Variants in DPY19L2 observed in about 807,000 individuals in gnomAD.
The protein encoded by DPY19L2 is dpy-19 like 2.
A neutral mutation model predicts 97.9 loss-of-function variants in DPY19L2; 34 were observed. The ratio of observed to expected loss-of-function variants is 0.35; its 90% CI spans 0.26 to 0.46. The LOEUF (loss-of-function observed/expected upper bound fraction) is 0.46. Ranked by LOEUF, DPY19L2 falls within the 20% of genes least tolerant of loss-of-function variation. The probability of loss-of-function intolerance (pLI) is 1.00; values close to 1 mark genes in which losing one functional copy is unlikely to be tolerated. For synonymous variants in DPY19L2, 230 were observed against 307.9 expected (o/e 0.75, Z 2.65); for missense variants, 623 against 911.4 (o/e 0.68, Z 4.07).
intron 4 of DPY19L2, among the ~76,000 whole-genome samples, chr12:63,649,825 G>A (rs1379827356): frequency 6.6e-6 from 1 of 152,014 alleles, no homozygotes; most frequent in Admixed American, 6.6e-5. Context: ...ATTCTATAAG[G>A]CTAACATCAT....
In DPY19L2 at chr12:63,600,189, A is replaced by T. The variant is rs547561928; in HGVS notation, c.1359+117T>A. ...GACTCTGCCAATAACTCGTCTAGAG[A>T]CCTTAGAGAAGGCACTTAACCTCTG... is the stretch of plus-strand genomic sequence containing the variant. On this transcript the variant is annotated intron_variant, in intron 13 of 21. Coordinates refer to ENST00000324472, the MANE Select transcript of DPY19L2 (RefSeq NM_173812.5). 418 of 764,576 alleles carry T rather than the reference A, an allele frequency of 5.5e-4. 1 individual carries two copies. The highest frequency in any genetic ancestry group is 8.5e-4 in the Non-Finnish European group (393 of 461,246). 47.4% of individuals were successfully genotyped at this position (764,576 alleles called of 1,614,324 possible). A position where few individuals can be genotyped will look rare whatever the true frequency, so the allele number is the denominator to read the frequency against.
intron 4 of DPY19L2, among the ~76,000 whole-genome samples, chr12:63,653,629 T>C (rs2138223036): frequency 1.3e-5 from 2 of 151,824 alleles, no homozygotes; most frequent in East Asian, 3.9e-4. Context: ...TGGCAAAAGT[T>C]ATAAACCTAA....
intron 4 of DPY19L2, among the ~76,000 whole-genome samples, chr12:63,657,898 T>C (rs1369497975): frequency 6.6e-6 from 1 of 152,200 alleles, no homozygotes; most frequent in East Asian, 1.9e-4. Flanking sequence ...CAAAAGCATC[T>C]ATCTCAGTCA....
chr12:63,621,274 A>G lies in DPY19L2; in HGVS notation c.1017T>C (p.Leu339=). ...ALCLSNVAFM[L]PWQFAQFILF... ...GTATAAACTGAGCAAATTGCCAGGGAAGCATAAAAGCAACATTGGAAAGAC... is the reference window on the plus strand; with the variant it reads ...GTATAAACTGAGCAAATTGCCAGGGGAGCATAAAAGCAACATTGGAAAGAC... The change falls in exon 9 of 22, where the codon CTT becomes CTC. Residue 339 remains leucine (L), a synonymous_variant. Coordinates refer to ENST00000324472, the MANE Select transcript of DPY19L2 (RefSeq NM_173812.5). 2.7e-6 allele frequency: 3 copies of G among 1,130,388 alleles called. No homozygotes were observed. The highest frequency in any genetic ancestry group is 3.9e-6 in the Non-Finnish European group (3 of 767,344). The allele number at this position is 1,130,388 out of a possible 1,614,324, so 70.0% of individuals were successfully genotyped here.
At chr12:63,575,000 G>C (rs1311547123) in intron 19 of DPY19L2, among the ~76,000 whole-genome samples, 2 of 151,938 alleles carry the variant, frequency 1.3e-5, no homozygotes, top group East Asian at 3.9e-4. Context: ...AACATCTAAG[G>C]AATACACATC....
chr12:63,611,000 G>A (rs1161203482), intron 11 of DPY19L2, among the ~76,000 whole-genome samples: 11 of 151,544 alleles, frequency 7.3e-5, no homozygotes, highest in Non-Finnish European at 1.5e-4. Context: ...TTATCATCAG[G>A]GAAATGTAAA....
intron 12 of DPY19L2, 149 bp downstream of exon 12, chr12:63,608,467 T>A: frequency 7.8e-6 from 7 of 902,734 alleles, no homozygotes; most frequent in Non-Finnish European, 1.2e-5. Flanking sequence ...TCCTTACATA[T>A]CTATCTACCT....
Position 63,621,232 on chromosome 12 carries a change from T to C in DPY19L2, c.1053+6A>G. 1 of 941,894 alleles carries C rather than the reference T, an allele frequency of 1.1e-6. No homozygotes were observed. Among genetic ancestry groups the C allele is most frequent in the Non-Finnish European group, 1.6e-6 (1 of 610,592 alleles). 58.3% of individuals were successfully genotyped at this position (941,894 alleles called of 1,614,324 possible). On this transcript the variant is annotated splice_donor_region_variant and intron_variant, in intron 9 of 21. Transcript: ENST00000324472. Reference sequence around the variant, plus strand: ...AAATAAAAATTAATTTAAAAAATCATCTTACCTGTGTAAAAAGTATAAACT... The same window carrying C: ...AAATAAAAATTAATTTAAAAAATCACCTTACCTGTGTAAAAAGTATAAACT...
intron 4 of DPY19L2, among the ~76,000 whole-genome samples, chr12:63,649,857 A>G (rs1414069164): frequency 6.6e-6 from 1 of 152,186 alleles, no homozygotes; most frequent in Non-Finnish European, 1.5e-5. Flanking sequence ...AATGTGGCAA[A>G]GCCACAATGT....
chr12:63,659,145 T>C (rs1490838325), intron 4 of DPY19L2, among the ~76,000 whole-genome samples: 7 of 152,264 alleles, frequency 4.6e-5, no homozygotes, highest in Non-Finnish European at 8.8e-5. Context: ...ATCATGTGCA[T>C]AGAAAAATCC....
intron 12 of DPY19L2, among the ~76,000 whole-genome samples, chr12:63,602,267 T>C (rs917088415): frequency 6.6e-6 from 1 of 150,528 alleles, no homozygotes; most frequent in South Asian, 2.1e-4. Context: ...GAGAATACTA[T>C]CAAAAAAAAT....
At chr12:63,666,966 T>C (rs1303640925) in intron 1 of DPY19L2, among the ~76,000 whole-genome samples, 1 of 152,164 alleles carries the variant, frequency 6.6e-6, no homozygotes, top group East Asian at 1.9e-4. Context: ...AATTAAAAAA[T>C]TGCAGTGTTG....
intron 16 of DPY19L2, among the ~76,000 whole-genome samples, chr12:63,587,588 A>G (rs2137415158): frequency 7.0e-6 from 1 of 143,084 alleles, no homozygotes; most frequent in South Asian, 2.2e-4. Context: ...TATTATTATT[A>G]TTATTGAGAC....
chr12:63,666,015 T>C (rs141917645), intron 1 of DPY19L2, among the ~76,000 whole-genome samples, 156 bp from the exon 2 acceptor site: 2,103 of 152,078 alleles, frequency 0.014, 23 homozygotes, highest in Non-Finnish European at 0.021. Context: ...TAGGAAAAAA[T>C]CCAGGACACA....
At chr12:63,645,480 C>G (rs1893293192) in intron 5 of DPY19L2, among the ~76,000 whole-genome samples, 1 of 152,052 alleles carries the variant, frequency 6.6e-6, no homozygotes, top group African/African-American at 2.4e-5. Context: ...ACATTTAATC[C>G]AGAACTTTCT....
intron 6 of DPY19L2, among the ~76,000 whole-genome samples, chr12:63,638,335 C>G (rs929774396): frequency 6.6e-6 from 1 of 152,126 alleles, no homozygotes; most frequent in African/African-American, 2.4e-5. Flanking sequence ...TCCTTTTCAA[C>G]ATAGTGTTGG....
chr12:63,638,675 C>A (rs367766233), intron 6 of DPY19L2, among the ~76,000 whole-genome samples: 1 of 151,968 alleles, frequency 6.6e-6, no homozygotes, highest in Non-Finnish European at 1.5e-5. Flanking sequence ...CAAGGAGAAC[C>A]ACAAACCACT....
At chr12:63,567,587 T>C (rs1191790558) in intron 21 of DPY19L2, among the ~76,000 whole-genome samples, 1 of 152,082 alleles carries the variant, frequency 6.6e-6, no homozygotes, top group Non-Finnish European at 1.5e-5. Flanking sequence ...GTGATTAATA[T>C]CTGCATATTT....
chr12:63,576,031 G>A (rs2137321895), intron 19 of DPY19L2, among the ~76,000 whole-genome samples: 1 of 151,990 alleles, frequency 6.6e-6, no homozygotes, highest in South Asian at 2.1e-4. Flanking sequence ...TAATGTTAAT[G>A]CAAAAATCCT....
Sources: allele counts gnomAD v4.1 joint callset (sites outside exome capture counted in the v4.1 genomes callset), GRCh38; gene constraint gnomAD v4.1.1; transcripts MANE v1.5; gene names NCBI Gene and HGNC (gene_info 2026-07-23, HGNC 2026-07-21).